Variants in RB1 observed in about 807,000 individuals in gnomAD.
RB1 encodes the protein retinoblastoma-associated protein.
Under a neutral mutation model 135.4 loss-of-function variants are expected in RB1, and 18 were observed. That is an observed-to-expected ratio of 0.13 (90% CI 0.09 to 0.20). The LOEUF (loss-of-function observed/expected upper bound fraction) is 0.20. Ranked by LOEUF, RB1 falls within the 10% of genes least tolerant of loss-of-function variation. The probability of loss-of-function intolerance (pLI) is 1.00; values close to 1 mark genes in which losing one functional copy is unlikely to be tolerated. For missense variants in RB1, 868 were observed against 1,110.0 expected (o/e 0.78, Z 3.10); for synonymous variants, 365 against 373.2 (o/e 0.98, Z 0.25).
At position 48,347,818 on chromosome 13, in the gene RB1, T is replaced by G; in HGVS notation, c.501-7T>G. The G allele has an allele frequency of 1.3e-6, 2 of 1,581,610 alleles. No homozygotes were observed. The highest frequency in any genetic ancestry group is 1.7e-6 in the Non-Finnish European group (2 of 1,152,486). On this transcript the variant is annotated splice_polypyrimidine_tract_variant and splice_region_variant and intron_variant, in intron 4 of 26. Transcript: ENST00000267163. ...ATGTTAAAAAGTCATAATGTTTTTCTTTTCAGGACATGTGAACTTATATAT... is the reference window on the plus strand; with the variant it reads ...ATGTTAAAAAGTCATAATGTTTTTCGTTTCAGGACATGTGAACTTATATAT...
chr13:48,306,630 C>T (rs1482420132), intron 1 of RB1, among the ~76,000 whole-genome samples: 3 of 152,098 alleles, frequency 2.0e-5, no homozygotes, highest in South Asian at 2.1e-4. Context: ...GGGCTGATGT[C>T]GGGATTCAGT....
At chr13:48,475,455 C>CT (rs1031609608) in intron 24 of RB1, among the ~76,000 whole-genome samples, 3 of 152,206 alleles carry the variant, frequency 2.0e-5, no homozygotes, top group African/African-American at 7.2e-5. Context: ...ATTGGCCCCT[C>CT]TATTGGTTTC....
rs1952212177 is a variant in RB1, at chr13:48,319,092, C to T, written c.264+11686C>T. 1 of 614,036 alleles carries T rather than the reference C, an allele frequency of 1.6e-6. No homozygotes were observed. Among genetic ancestry groups the T allele is most frequent in the Non-Finnish European group, 3.0e-6 (1 of 331,548 alleles). 38.0% of individuals were successfully genotyped at this position (614,036 alleles called of 1,614,324 possible). A position where few individuals can be genotyped will look rare whatever the true frequency, so the allele number is the denominator to read the frequency against. On this transcript the variant is annotated intron_variant, in intron 2 of 26. Coordinates refer to ENST00000267163, the MANE Select transcript of RB1 (RefSeq NM_000321.3). The surrounding 1 kb of genome is among the most constrained non-coding windows in gnomAD (Gnocchi z 5.0). ...TGGCACGAGGACCGTTCTACAAACT[C>T]GTTCCTGGAAGCCGGGCTCGCTGGA...
rs377726576 is a variant in RB1 at position 48,460,740 on chromosome 13, C to T, written c.2106+907C>T. Among the ~76,000 whole-genome samples the T allele has an allele frequency of 3.4e-4, 51 of 152,200 alleles. 1 individual carries two copies. The East Asian group carries it at 5.4e-3, about 16-fold the overall frequency. ...CTTTGGGAGGCTGAGGTGGGCAGATCGCTTGAGCTCAGGAGTTTGAGACCA... is the reference window on the plus strand; with the variant it reads ...CTTTGGGAGGCTGAGGTGGGCAGATTGCTTGAGCTCAGGAGTTTGAGACCA... On this transcript the variant is annotated intron_variant, in intron 20 of 26. Coordinates refer to ENST00000267163, the MANE Select transcript of RB1 (RefSeq NM_000321.3).
At chr13:48,408,436 G>A (rs1948758986) in intron 17 of RB1, among the ~76,000 whole-genome samples, 1 of 152,032 alleles carries the variant, frequency 6.6e-6, no homozygotes, top group South Asian at 2.1e-4. Context: ...AATGTGGGAA[G>A]GAAGATTAGT....
At chr13:48,377,352 C>T (rs981479290) in intron 13 of RB1, among the ~76,000 whole-genome samples, 1 of 152,086 alleles carries the variant, frequency 6.6e-6, no homozygotes, top group African/African-American at 2.4e-5. Flanking sequence ...TATGACTGTT[C>T]ATGTATGCAT....
chr13:48,401,069 CT>C (rs1226693227), intron 17 of RB1, among the ~76,000 whole-genome samples: 1 of 152,036 alleles, frequency 6.6e-6, no homozygotes, highest in Admixed American at 6.6e-5. Flanking sequence ...TGTTATGTTG[CT>C]TTAGTTATGA....
At chr13:48,436,942 A>G (rs1949190656) in intron 17 of RB1, among the ~76,000 whole-genome samples, 1 of 152,198 alleles carries the variant, frequency 6.6e-6, no homozygotes, top group African/African-American at 2.4e-5. Context: ...TAATTTTTCT[A>G]CTAGCACTAC....
rs2138345470 is a variant in RB1, at chr13:48,465,210, T to C, written c.2331T>C (p.Pro777=). Residue 777 remains proline (P), a synonymous_variant, in exon 23 of 27, where the codon CCT becomes CCC. Transcript: ENST00000267163. ...CTTTTTTGTTTTTGCTCTAGCCCCC[T>C]ACCTTGTCACCAATACCTCACATTC... The part of the protein sequence containing the change: ...NILQYASTRP[P]TLSPIPHIPR... 3 of 1,614,074 alleles carry C rather than the reference T, an allele frequency of 1.9e-6. No homozygotes were observed. Among genetic ancestry groups the C allele is most frequent in the Non-Finnish European group, 2.5e-6 (3 of 1,179,936 alleles).
At chr13:48,453,804 G>A (rs918612099) in intron 18 of RB1, among the ~76,000 whole-genome samples, 25 of 152,194 alleles carry the variant, frequency 1.6e-4, no homozygotes, top group African/African-American at 5.3e-4. Flanking sequence ...TAGAGGAATC[G>A]TCAATTATCT....
chr13:48,412,207 T>C, intron 17 of RB1: 1 of 1,613,962 alleles, frequency 6.2e-7, no homozygotes, highest in Non-Finnish European at 8.5e-7. Flanking sequence ...TAAAAAATCC[T>C]GAAGGGTAAA....
At position 48,447,656 on chromosome 13, in the gene RB1, A is replaced by AT. The variant is rs200719481; in HGVS notation, c.1696-5335dup. On this transcript the variant is annotated intron_variant, in intron 17 of 26. Transcript: ENST00000267163. ...TCTCTGCTCTACAGTTGAGAAGCTT[A>AT]TTGAGGGTCATGTAGCTACAGGTGG... 1.0e-2 allele frequency among the ~76,000 whole-genome samples: 1,516 copies of AT among 152,232 alleles called. 36 individuals are homozygous for AT. The highest frequency in any genetic ancestry group is 0.035 in the African/African-American group (1,438 of 41,540).
At chr13:48,370,985 G>T (rs1952752297) in intron 11 of RB1, among the ~76,000 whole-genome samples, 3 of 152,174 alleles carry the variant, frequency 2.0e-5, no homozygotes, top group Non-Finnish European at 4.4e-5. Flanking sequence ...TTGTATGTCA[G>T]GATATGGGGT....
At chr13:48,318,276 G>C (rs1435464860) in intron 2 of RB1, 4 of 989,138 alleles carry the variant, frequency 4.0e-6, no homozygotes, top group Non-Finnish European at 5.8e-6. Flanking sequence ...CCAGTCTCTC[G>C]GGAGCCCGCC....
intron 17 of RB1, among the ~76,000 whole-genome samples, chr13:48,435,811 G>A (rs1949177399): frequency 6.6e-6 from 1 of 152,146 alleles, no homozygotes; most frequent in Non-Finnish European, 1.5e-5. Flanking sequence ...TTATTTTAAA[G>A]GCTATCCTTT....
At chr13:48,436,804 C>T (rs561343732) in intron 17 of RB1, among the ~76,000 whole-genome samples, 2 of 152,140 alleles carry the variant, frequency 1.3e-5, no homozygotes, top group Non-Finnish European at 2.9e-5. Context: ...TTTCCTCTTG[C>T]GAGGCAAAAC....
chr13:48,355,265 T>A (rs769258531), intron 6 of RB1, among the ~76,000 whole-genome samples: 4 of 152,034 alleles, frequency 2.6e-5, no homozygotes, highest in Non-Finnish European at 5.9e-5. Context: ...AAGAGTTGAA[T>A]ACACATTTCT....
At chr13:48,406,663 T>C (rs558788468) in intron 17 of RB1, 7 of 152,226 alleles carry the variant, frequency 4.6e-5, no homozygotes, top group Non-Finnish European at 1.0e-4. Flanking sequence ...CCACTTTGAA[T>C]GTTTTAATTC....
intron 2 of RB1, among the ~76,000 whole-genome samples, chr13:48,315,327 C>G (rs899424168): frequency 6.6e-6 from 1 of 152,134 alleles, no homozygotes; most frequent in Non-Finnish European, 1.5e-5. Context: ...CTTGATTTGG[C>G]TCTCAGCTTG....
Sources: gnomAD v4.1 joint callset for allele counts (sites outside exome capture counted in the v4.1 genomes callset) on GRCh38, gnomAD v4.1.1 for gene constraint, Gnocchi (gnomAD v3.1) non-coding constraint, MANE v1.5 for transcripts, NCBI Gene and HGNC (gene_info 2026-07-23, HGNC 2026-07-21) for gene names.